The following THSD7B variants were observed in gnomAD, a reference collection of about 807,000 sequenced individuals.
The protein encoded by THSD7B is thrombospondin type-1 domain-containing protein 7B.
In THSD7B, 138 loss-of-function variants were observed where a neutral mutation model predicts 213.6. That is an observed-to-expected ratio of 0.65 (90% CI 0.56 to 0.74). THSD7B has a LOEUF of 0.74. Ranked by LOEUF, THSD7B falls within the 30% of genes least tolerant of loss-of-function variation. The pLI, the probability that THSD7B is intolerant of heterozygous loss-of-function variation, is 0.00. For missense variants in THSD7B, 1,931 were observed against 1,991.5 expected (o/e 0.97, Z 0.58); for synonymous variants, 742 against 687.0 (o/e 1.08, Z -1.25).
chr2:137,416,861 A>T lies in THSD7B; in HGVS notation c.2959+4989A>T, dbSNP rs529756384. 2.3e-4 allele frequency among the ~76,000 whole-genome samples: 35 copies of T among 152,350 alleles called. 3 individuals are homozygous for T. The South Asian group carries it at 7.2e-3, about 32-fold the overall frequency. ...AATGAAATTACATTGCTGCTAGTGG[A>T]TAAGCAATGTTTTTGAAACAATGGA... On this transcript the variant is annotated intron_variant, in intron 14 of 27. Transcript: ENST00000409968.
intron 2 of THSD7B, among the ~76,000 whole-genome samples, chr2:136,965,833 T>A (rs770354656): frequency 2.6e-5 from 4 of 152,184 alleles, no homozygotes; most frequent in Non-Finnish European, 4.4e-5. Context: ...TTTCTTAAGT[T>A]AAAGTGCCTG....
At chr2:137,192,673 A>G (rs1365251265) in intron 7 of THSD7B, among the ~76,000 whole-genome samples, 1 of 152,180 alleles carries the variant, frequency 6.6e-6, no homozygotes, top group Non-Finnish European at 1.5e-5. Flanking sequence ...TTTACACACT[A>G]CCTTTATGCA....
At chr2:137,400,502 C>G (rs543931239) in intron 12 of THSD7B, among the ~76,000 whole-genome samples, 14 of 152,030 alleles carry the variant, frequency 9.2e-5, no homozygotes, top group Admixed American at 9.2e-4. Context: ...CTATAAATAG[C>G]TTTAGTGTGG....
rs138417928 is a variant in THSD7B at position 137,608,465 on chromosome 2, T to C, written c.3424-7710T>C. Among the ~76,000 whole-genome samples the C allele has an allele frequency of 7.9e-4, 121 of 152,262 alleles. 1 individual carries two copies. Among genetic ancestry groups the C allele is most frequent in the African/African-American group, 2.5e-3 (105 of 41,572 alleles). ...TGAGGAGCAAATTAGACCTCCCAGATTGAAATCCCAGCTTAGATATCTACT... is the reference window on the plus strand; with the variant it reads ...TGAGGAGCAAATTAGACCTCCCAGACTGAAATCCCAGCTTAGATATCTACT... On this transcript the variant is annotated intron_variant, in intron 17 of 27. Coordinates refer to ENST00000409968, the MANE Select transcript of THSD7B (RefSeq NM_001316349.2).
intron 2 of THSD7B, among the ~76,000 whole-genome samples, chr2:136,967,981 T>G (rs1685348176): frequency 1.3e-5 from 2 of 152,196 alleles, no homozygotes; most frequent in African/African-American, 4.8e-5. Context: ...AGCCCTCTAT[T>G]GAATGAATAT....
intron 1 of THSD7B, among the ~76,000 whole-genome samples, chr2:136,823,474 C>A (rs550600550): frequency 6.6e-6 from 1 of 152,142 alleles, no homozygotes; most frequent in Non-Finnish European, 1.5e-5. Context: ...CTTTTCTCCC[C>A]GTGTCTCTCT....
chr2:137,092,818 A>G (rs111281859), intron 3 of THSD7B, among the ~76,000 whole-genome samples: 1 of 152,092 alleles, frequency 6.6e-6, no homozygotes, highest in African/African-American at 2.4e-5. Context: ...TTGTATTTTT[A>G]GTAGAGACAA....
chr2:137,503,067 A>G (rs1316371972), intron 15 of THSD7B, among the ~76,000 whole-genome samples: 1 of 152,200 alleles, frequency 6.6e-6, no homozygotes, highest in Non-Finnish European at 1.5e-5. Context: ...CAAAATATGC[A>G]TTCTATCATT....
At chr2:137,394,258 T>C (rs201990057) in intron 12 of THSD7B, among the ~76,000 whole-genome samples, 1 of 92,968 alleles carries the variant, frequency 1.1e-5, no homozygotes, top group Admixed American at 1.1e-4. Context: ...CTGAATGGTA[T>C]TGCCTAGGTT....
intron 7 of THSD7B, among the ~76,000 whole-genome samples, chr2:137,171,623 T>C (rs1449522115): frequency 6.6e-6 from 1 of 152,168 alleles, no homozygotes; most frequent in African/African-American, 2.4e-5. Context: ...TTCAGTACCT[T>C]GGAAGAATAT....
chr2:137,557,378 A>G (rs71187769), intron 15 of THSD7B, among the ~76,000 whole-genome samples: 1 of 152,248 alleles, frequency 6.6e-6, no homozygotes, highest in Non-Finnish European at 1.5e-5. Context: ...AGAACTCAGG[A>G]TTAAGAAACT....
At chr2:137,267,003 C>A (rs1682605684) in intron 10 of THSD7B, among the ~76,000 whole-genome samples, 1 of 152,204 alleles carries the variant, frequency 6.6e-6, no homozygotes, top group South Asian at 2.1e-4. Flanking sequence ...CCCAAAGGGT[C>A]TCTTTACATA....
chr2:137,643,978 A>T (rs1028672820), intron 21 of THSD7B, among the ~76,000 whole-genome samples: 8 of 152,216 alleles, frequency 5.3e-5, no homozygotes, highest in African/African-American at 1.9e-4. Context: ...TATTATAGGA[A>T]AATGCCAAAT....
At chr2:136,899,798 C>G (rs1214569503) in intron 2 of THSD7B, among the ~76,000 whole-genome samples, 1 of 152,110 alleles carries the variant, frequency 6.6e-6, no homozygotes, top group African/African-American at 2.4e-5. Context: ...TTTTAAAAAT[C>G]AATAATTGCA....
At chr2:137,348,703 C>CTTTTTTTTTTTTTTTTT (rs80150345) in intron 12 of THSD7B, among the ~76,000 whole-genome samples, 9 of 110,934 alleles carry the variant, frequency 8.1e-5, no homozygotes, top group Non-Finnish European at 1.1e-4. Context: ...CTATGAACTC[C>CTTTTTTTTTTTTTTTTT]TTTTTTTTTT....
At chr2:137,257,794 G>A (rs956905770) in intron 10 of THSD7B, among the ~76,000 whole-genome samples, 1 of 152,130 alleles carries the variant, frequency 6.6e-6, no homozygotes, top group East Asian at 1.9e-4. Flanking sequence ...AACATCTAAG[G>A]ATTGGAGGAA....
intron 16 of THSD7B, among the ~76,000 whole-genome samples, chr2:137,569,701 T>C (rs372314646): frequency 2.5e-4 from 38 of 152,264 alleles, no homozygotes; most frequent in African/African-American, 8.4e-4. Context: ...TCAGATGCGC[T>C]AAGGAGTTAC....
chr2:137,458,794 TC>T (rs1687821248), intron 15 of THSD7B, among the ~76,000 whole-genome samples: 2 of 152,300 alleles, frequency 1.3e-5, no homozygotes, highest in Admixed American at 6.5e-5. Flanking sequence ...TGAGTTATCT[TC>T]TTGTAAAGTG....
In THSD7B at chr2:137,450,357, T is replaced by C. The variant is rs186606325; in HGVS notation, c.2960-488T>C. On this transcript the variant is annotated intron_variant, in intron 14 of 27. Transcript: ENST00000409968. ...CTTCTACTGTCTTCTTTCAATAATATCCCACTCTTCCTAATCTGTGGTCCA... is the reference window on the plus strand; with the variant it reads ...CTTCTACTGTCTTCTTTCAATAATACCCCACTCTTCCTAATCTGTGGTCCA... Among the ~76,000 whole-genome samples the C allele has an allele frequency of 6.4e-4, 98 of 152,340 alleles. 1 individual carries two copies. Among genetic ancestry groups the C allele is most frequent in the African/African-American group, 2.3e-3 (95 of 41,576 alleles).
Sources: allele counts gnomAD v4.1 joint callset (sites outside exome capture counted in the v4.1 genomes callset), GRCh38; gene constraint gnomAD v4.1.1; transcripts MANE v1.5; gene names NCBI Gene and HGNC (gene_info 2026-07-23, HGNC 2026-07-21).